Variants in FAM76A observed in about 807,000 individuals in gnomAD.
FAM76A encodes the protein protein FAM76A.
FAM76A carries 32 observed loss-of-function variants against 46.2 expected under a neutral mutation model. The ratio of observed to expected loss-of-function variants is 0.69; its 90% CI spans 0.52 to 0.93. FAM76A has a LOEUF of 0.93. Ranked by LOEUF, FAM76A falls within the 40% of genes least tolerant of loss-of-function variation. The pLI is 0.00. For synonymous variants in FAM76A, 137 were observed against 127.0 expected (o/e 1.08, Z -0.53); for missense variants, 274 against 361.5 (o/e 0.76, Z 1.96).
At chr1:27,726,219 TC>T in intron 1 of FAM76A, 58 bp downstream of exon 1, 1 of 1,232,444 alleles carries the variant, frequency 8.1e-7, no homozygotes, top group Non-Finnish European at 1.0e-6. Context: ...GGCCCGGAGC[TC>T]CAGATTCTGT....
chr1:27,748,306 A>G (rs1220962567), intron 5 of FAM76A, among the ~76,000 whole-genome samples: 1 of 149,972 alleles, frequency 6.7e-6, no homozygotes, highest in Non-Finnish European at 1.5e-5. Flanking sequence ...TTATATTTTT[A>G]GTAGAGACGG....
chr1:27,744,854 G>C, intron 5 of FAM76A, 43 bp downstream of exon 5: 1 of 1,584,546 alleles, frequency 6.3e-7, no homozygotes, highest in Non-Finnish European at 8.6e-7. Flanking sequence ...GTGCTGGTAG[G>C]TCAGATGTAA....
At chr1:27,758,840 G>A (rs899633514) in intron 7 of FAM76A, among the ~76,000 whole-genome samples, 3 of 152,038 alleles carry the variant, frequency 2.0e-5, no homozygotes, top group African/African-American at 7.2e-5. Flanking sequence ...TTTTAAAGGA[G>A]CAAAAGCAGA....
At chr1:27,751,993 C>G (rs1325277868) in intron 6 of FAM76A, among the ~76,000 whole-genome samples, 4 of 151,436 alleles carry the variant, frequency 2.6e-5, no homozygotes, top group African/African-American at 9.7e-5. Flanking sequence ...GATGGGGTCT[C>G]GAACTCCTGG....
At chr1:27,735,543 C>A (rs1228314724) in intron 4 of FAM76A, among the ~76,000 whole-genome samples, 1 of 152,148 alleles carries the variant, frequency 6.6e-6, no homozygotes, top group Non-Finnish European at 1.5e-5. Context: ...CATTAACTTA[C>A]AATGGAAGGA....
At chr1:27,741,142 A>AC (rs1557779790) in intron 4 of FAM76A, among the ~76,000 whole-genome samples, 2 of 151,856 alleles carry the variant, frequency 1.3e-5, no homozygotes, top group African/African-American at 4.8e-5. Context: ...CAAAAAAAAA[A>AC]AACAACAACA....
chr1:27,726,065 G>C lies in FAM76A; in HGVS notation c.-16G>C. The C allele has an allele frequency of 8.0e-7, 1 of 1,249,364 alleles. No homozygotes were observed. Among genetic ancestry groups the C allele is most frequent in the South Asian group, 3.1e-5 (1 of 32,512 alleles). 77.4% of individuals were successfully genotyped at this position (1,249,364 alleles called of 1,614,324 possible). A position where few individuals can be genotyped will look rare whatever the true frequency, so the allele number is the denominator to read the frequency against. ...GGGCCGGGCCGGCGGGTCGGTGAGCGCGGCCCGGGCCGGACATGGCGGCGC... is the reference window on the plus strand; with the variant it reads ...GGGCCGGGCCGGCGGGTCGGTGAGCCCGGCCCGGGCCGGACATGGCGGCGC... On this transcript the variant is annotated 5_prime_UTR_variant, in exon 1 of 9. Coordinates refer to ENST00000373954, the MANE Select transcript of FAM76A (RefSeq NM_152660.3).
chr1:27,735,692 C>T (rs1452615372), intron 4 of FAM76A, among the ~76,000 whole-genome samples: 1 of 152,136 alleles, frequency 6.6e-6, no homozygotes, highest in Non-Finnish European at 1.5e-5. Flanking sequence ...CCATCCGACT[C>T]CTGGGGCTAG....
chr1:27,752,858 G>A (rs1049028327), intron 6 of FAM76A, among the ~76,000 whole-genome samples: 1 of 152,148 alleles, frequency 6.6e-6, no homozygotes, highest in African/African-American at 2.4e-5. Context: ...TACTGAACCA[G>A]GAATTAGAGA....
At chr1:27,754,206 A>G (rs926650530) in intron 6 of FAM76A, among the ~76,000 whole-genome samples, 6 of 149,558 alleles carry the variant, frequency 4.0e-5, no homozygotes, top group Non-Finnish European at 7.4e-5. Context: ...TCCCAGGTTC[A>G]AGCAATTGTC....
At chr1:27,726,478 C>A (rs887482609) in intron 1 of FAM76A, among the ~76,000 whole-genome samples, 1 of 152,196 alleles carries the variant, frequency 6.6e-6, no homozygotes, top group South Asian at 2.1e-4. Context: ...TGCGCTGCCT[C>A]CCCCGCCGCC....
At position 27,726,164 on chromosome 1, in the gene FAM76A, G is replaced by A; in HGVS notation, c.81+3G>A. 1 of 1,281,430 alleles carries A rather than the reference G, an allele frequency of 7.8e-7. No homozygotes were observed. Among genetic ancestry groups the A allele is most frequent in the Non-Finnish European group, 9.9e-7 (1 of 1,012,992 alleles). 79.4% of individuals were successfully genotyped at this position (1,281,430 alleles called of 1,614,324 possible). On this transcript the variant is annotated splice_donor_region_variant and intron_variant, in intron 1 of 8. Transcript: ENST00000373954. ...CTCAGGGGCAGCAGCTGTGCAAGGT[G>A]CGCGGGCTGGGGCGGCGGCCGGGAA...
At chr1:27,739,820 C>CAATA (rs34063716) in intron 4 of FAM76A, 26,682 of 178,132 alleles carry the variant, frequency 0.15, 5,961 homozygotes, top group African/African-American at 0.52. Context: ...TTCATGTTAG[C>CAATA]AATAAATAAA....
At chr1:27,732,473 GCTAGTGTTAAC>G (rs2087975802) in intron 2 of FAM76A, 119 bp from the exon 3 acceptor site, 1 of 585,904 alleles carries the variant, frequency 1.7e-6, no homozygotes, top group Non-Finnish European at 3.1e-6. Flanking sequence ...AGGTACTCAA[GCTAGTGTTAAC>G]CAAGCATCCA....
rs889009791 is a variant in FAM76A, at chr1:27,762,651, T to G, written c.*2070T>G. The G allele has an allele frequency of 2.0e-5, 3 of 152,168 alleles. No individual in the cohort carries two copies. The highest frequency in any genetic ancestry group is 7.2e-5 in the African/African-American group (3 of 41,416). 9.4% of individuals were successfully genotyped at this position (152,168 alleles called of 1,614,324 possible). On this transcript the variant is annotated 3_prime_UTR_variant, in exon 9 of 9. Coordinates refer to ENST00000373954, the MANE Select transcript of FAM76A (RefSeq NM_152660.3). ...AGGGAAATGGCAGTGCTAAATAGTT[T>G]TGTAAAGTTTTTGAATGAGAAGCTT...
chr1:27,755,613 C>T (rs2088397936), intron 7 of FAM76A, among the ~76,000 whole-genome samples: 1 of 152,158 alleles, frequency 6.6e-6, no homozygotes. Context: ...TCAGCTGTGT[C>T]ACCCTGGCTG....
chr1:27,756,255 T>A (rs893752054), intron 7 of FAM76A, among the ~76,000 whole-genome samples: 2 of 152,222 alleles, frequency 1.3e-5, no homozygotes, highest in African/African-American at 4.8e-5. Context: ...TCTTACTAAG[T>A]GACCCATCTT....
intron 4 of FAM76A, among the ~76,000 whole-genome samples, chr1:27,742,904 CA>C (rs1207423750): frequency 4.6e-5 from 7 of 150,770 alleles, no homozygotes; most frequent in Admixed American, 2.0e-4. Flanking sequence ...ACTAAAAATA[CA>C]AAAAAAAATT....
rs1333099807 is a variant in FAM76A at position 27,734,098 on chromosome 1, A to G, written c.269A>G (p.Asn90Ser). ...GGGAATAAATGCCAGCGCTGCACAAATTCAGAAAAGAAGTATGGACCACCC... is the reference window on the plus strand; with the variant it reads ...GGGAATAAATGCCAGCGCTGCACAAGTTCAGAAAAGAAGTATGGACCACCC... Reference protein sequence around the residue: ...FIGNKCQRCTNSEKKYGPPYS... With the variant: ...FIGNKCQRCTSSEKKYGPPYS... Residue 90 changes from asparagine to serine, a missense_variant, in exon 4 of 9, where the codon AAT (asparagine) becomes AGT (serine). Transcript: ENST00000373954. The G allele has an allele frequency of 1.9e-6, 3 of 1,613,106 alleles. No individual in the cohort carries two copies. Among genetic ancestry groups the G allele is most frequent in the African/African-American group, 2.7e-5 (2 of 74,836 alleles).
Sources: gnomAD v4.1 joint callset for allele counts (sites outside exome capture counted in the v4.1 genomes callset) on GRCh38, gnomAD v4.1.1 for gene constraint, MANE v1.5 for transcripts, NCBI Gene and HGNC (gene_info 2026-07-23, HGNC 2026-07-21) for gene names.